PIP4K2A: variants seen among roughly 807,000 people sequenced by gnomAD.
PIP4K2A encodes the protein phosphatidylinositol 5-phosphate 4-kinase type-2 alpha.
A neutral mutation model predicts 42.9 loss-of-function variants in PIP4K2A; 14 were observed. The ratio of observed to expected loss-of-function variants is 0.33; its 90% CI spans 0.22 to 0.51. The LOEUF is 0.51. PIP4K2A is among the 20% of genes least tolerant of loss of function. The pLI is 0.97. For synonymous variants in PIP4K2A, 192 were observed against 192.2 expected, an observed-to-expected ratio of 1.00 and a Z score of 0.01; for missense variants, 434 against 519.8, an observed-to-expected ratio of 0.83 and a Z score of 1.61.
chr10:22,542,963 G>A (rs1836162982), intron 7 of PIP4K2A, among the ~76,000 whole-genome samples: 1 of 152,168 alleles, frequency 6.6e-6, no homozygotes, highest in Non-Finnish European at 1.5e-5. Flanking sequence ...CACGGTCCTG[G>A]CTCTGGAAGG....
At chr10:22,628,653 T>G (rs1321182123) in intron 1 of PIP4K2A, among the ~76,000 whole-genome samples, 1 of 152,192 alleles carries the variant, frequency 6.6e-6, no homozygotes, top group Non-Finnish European at 1.5e-5. Context: ...TAGGACATCT[T>G]GAAGCAGGGG....
chr10:22,583,240 C>A (rs571526221), intron 4 of PIP4K2A, among the ~76,000 whole-genome samples: 1 of 152,222 alleles, frequency 6.6e-6, no homozygotes, highest in Non-Finnish European at 1.5e-5. Context: ...GGCTGCTCCA[C>A]GTATGACCGC....
At chr10:22,560,531 C>T (rs934475533) in intron 6 of PIP4K2A, among the ~76,000 whole-genome samples, 1 of 152,184 alleles carries the variant, frequency 6.6e-6, no homozygotes, top group South Asian at 2.1e-4. Context: ...ACGTCGGAGA[C>T]GGTGACAGTC....
chr10:22,634,512 C>T (rs1397025418), intron 1 of PIP4K2A, among the ~76,000 whole-genome samples: 1 of 152,132 alleles, frequency 6.6e-6, no homozygotes, highest in African/African-American at 2.4e-5. Flanking sequence ...TTACTGTTAA[C>T]CTGTTTGGCA....
intron 9 of PIP4K2A, among the ~76,000 whole-genome samples, 173 bp downstream of exon 9, chr10:22,539,798 T>C (rs1331463168): frequency 6.6e-6 from 1 of 151,164 alleles, no homozygotes; most frequent in Non-Finnish European, 1.5e-5. Context: ...GGAACAAGCG[T>C]CACTAAAGGG....
intron 1 of PIP4K2A, among the ~76,000 whole-genome samples, chr10:22,682,555 T>C (rs1397709930): frequency 6.6e-6 from 1 of 152,202 alleles, no homozygotes; most frequent in African/African-American, 2.4e-5. Flanking sequence ...TGCCATCAAC[T>C]TGACACTTGA....
At chr10:22,677,091 G>C (rs1201250465) in intron 1 of PIP4K2A, among the ~76,000 whole-genome samples, 1 of 152,136 alleles carries the variant, frequency 6.6e-6, no homozygotes, top group African/African-American at 2.4e-5. Context: ...TATCATCTGT[G>C]AATTTCATAT....
chr10:22,639,322 C>T (rs1838730511), intron 1 of PIP4K2A, among the ~76,000 whole-genome samples: 1 of 149,462 alleles, frequency 6.7e-6, no homozygotes, highest in South Asian at 2.1e-4. Context: ...TTACCAGAAA[C>T]ACCCATTTAC....
In PIP4K2A at chr10:22,556,815, CATTT is replaced by C. The variant is rs1226990781; in HGVS notation, c.679-6047_679-6044del. Among the ~76,000 whole-genome samples the C allele has an allele frequency of 2.6e-5, 4 of 152,072 alleles. No homozygotes were observed. In the East Asian group the frequency reaches 5.8e-4, roughly 22 times the overall value. ...TATAAACATTTGTGTATATATAATA[CATTT>C]ATTATAGACATTTCTCCCTCATTTT... On this transcript the variant is annotated intron_variant, in intron 6 of 9. Transcript: ENST00000376573.
chr10:22,677,582 T>A (rs971689633), intron 1 of PIP4K2A, among the ~76,000 whole-genome samples: 2 of 152,194 alleles, frequency 1.3e-5, no homozygotes, highest in Admixed American at 1.3e-4. Flanking sequence ...TCTGAGAGGA[T>A]GAATGTGGAA....
intron 3 of PIP4K2A, 37 bp from the exon 4 acceptor site, chr10:22,591,818 G>C (rs1349422353): frequency 1.9e-6 from 3 of 1,557,790 alleles, no homozygotes; most frequent in Admixed American, 3.8e-5. Flanking sequence ...GAAGGCGGGG[G>C]AAGATAACTA....
At chr10:22,640,665 G>C (rs1340499713) in intron 1 of PIP4K2A, among the ~76,000 whole-genome samples, 2 of 152,156 alleles carry the variant, frequency 1.3e-5, no homozygotes, top group Non-Finnish European at 2.9e-5. Flanking sequence ...TAATATCCAG[G>C]CTTCTCACTG....
chr10:22,694,320 G>A (rs1456127554), intron 1 of PIP4K2A: 1 of 152,160 alleles, frequency 6.6e-6, no homozygotes, highest in Non-Finnish European at 1.5e-5. Flanking sequence ...CAGGTTAGAT[G>A]TCACATGCCA....
At chr10:22,687,109 A>G (rs939150442) in intron 1 of PIP4K2A, among the ~76,000 whole-genome samples, 2 of 151,742 alleles carry the variant, frequency 1.3e-5, no homozygotes, top group Non-Finnish European at 2.9e-5. Flanking sequence ...ACACTATACT[A>G]ATCTGCAATT....
chr10:22,536,897 C>T lies in PIP4K2A; in HGVS notation c.*304G>A, dbSNP rs901150725. 3 of 272,350 alleles carry T rather than the reference C, an allele frequency of 1.1e-5. No individual in the cohort carries two copies. The highest frequency in any genetic ancestry group is 2.2e-5 in the African/African-American group (1 of 44,552). The allele number at this position is 272,350 out of a possible 1,614,324, so 16.9% of individuals were successfully genotyped here. A position where few individuals can be genotyped will look rare whatever the true frequency, so the allele number is the denominator to read the frequency against. ...GGTCTTTGTTGGGACACATACTGAC[C>T]GAAGTGGATCTGTTTTAATTAATTT... is the stretch of plus-strand genomic sequence containing the variant. On this transcript the variant is annotated 3_prime_UTR_variant, in exon 10 of 10. Coordinates refer to ENST00000376573, the MANE Select transcript of PIP4K2A (RefSeq NM_005028.5).
chr10:22,627,815 C>A (rs535749480), intron 1 of PIP4K2A, among the ~76,000 whole-genome samples: 1 of 152,086 alleles, frequency 6.6e-6, no homozygotes, highest in Admixed American at 6.5e-5. Flanking sequence ...TATGTAAAGA[C>A]AGTCTAGGGA....
intron 1 of PIP4K2A, among the ~76,000 whole-genome samples, chr10:22,636,862 A>G (rs1019416469): frequency 6.6e-6 from 1 of 152,342 alleles, no homozygotes; most frequent in Non-Finnish European, 1.5e-5. Context: ...CCATAAGCAC[A>G]AGCCTGACAA....
chr10:22,535,957 G>A lies in PIP4K2A; in HGVS notation c.*1244C>T, dbSNP rs1262959809. The A allele has an allele frequency of 1.3e-5, 5 of 394,148 alleles. No homozygotes were observed. The highest frequency in any genetic ancestry group is 7.2e-5 in the East Asian group (2 of 27,854). The allele number at this position is 394,148 out of a possible 1,614,324, so 24.4% of individuals were successfully genotyped here. A position where few individuals can be genotyped will look rare whatever the true frequency, so the allele number is the denominator to read the frequency against. On this transcript the variant is annotated 3_prime_UTR_variant, in exon 10 of 10. Transcript: ENST00000376573. ...CATGTACTTTGACTAAAACACTCAC[G>A]TAAAAACATGGCTGCAGGATACGTC... is the stretch of plus-strand genomic sequence containing the variant.
At chr10:22,703,750 A>G (rs1217381940) in intron 1 of PIP4K2A, among the ~76,000 whole-genome samples, 1 of 152,230 alleles carries the variant, frequency 6.6e-6, no homozygotes, top group Non-Finnish European at 1.5e-5. Flanking sequence ...ACAGGGCAAA[A>G]CTGAATGCCG....
Sources: allele counts gnomAD v4.1 joint callset (sites outside exome capture counted in the v4.1 genomes callset), GRCh38; gene constraint gnomAD v4.1.1; transcripts MANE v1.5; gene names NCBI Gene and HGNC (gene_info 2026-07-23, HGNC 2026-07-21).